Variants in UBE2K observed in about 807,000 individuals in gnomAD.
UBE2K encodes the protein ubiquitin conjugating enzyme E2 K.
In UBE2K, 6 loss-of-function variants were observed where a neutral mutation model predicts 30.0. That is an observed-to-expected ratio of 0.20 (90% CI 0.11 to 0.39). UBE2K has a LOEUF of 0.39. Ranked by LOEUF, UBE2K falls within the 10% of genes least tolerant of loss-of-function variation. The pLI, the probability that UBE2K is intolerant of heterozygous loss-of-function variation, is 1.00. For synonymous variants in UBE2K, 86 were observed against 83.7 expected, an observed-to-expected ratio of 1.03 and a Z score of -0.15; for missense variants, 61 against 241.6, an observed-to-expected ratio of 0.25 and a Z score of 4.96.
chr4:39,698,159 A>T lies in UBE2K; in HGVS notation c.-169A>T. The T allele has an allele frequency of 1.5e-6, 1 of 682,444 alleles. No individual in the cohort carries two copies. 42.3% of individuals were successfully genotyped at this position (682,444 alleles called of 1,614,324 possible). On this transcript the variant is annotated 5_prime_UTR_variant, in exon 1 of 7. Transcript: ENST00000261427. ...GCGCCATTTTGGTGGCCGGGCGCGG[A>T]GGTGATTCCACACTGAGGCGAGCGC...
chr4:39,743,812 A>G (rs1299613488), intron 2 of UBE2K, among the ~76,000 whole-genome samples: 1 of 152,144 alleles, frequency 6.6e-6, no homozygotes, highest in Non-Finnish European at 1.5e-5. Context: ...AGTTGAATCC[A>G]GCCTCTCATC....
At chr4:39,730,256 C>T (rs1219210533) in intron 1 of UBE2K, among the ~76,000 whole-genome samples, 2 of 152,114 alleles carry the variant, frequency 1.3e-5, no homozygotes, top group African/African-American at 2.4e-5. Flanking sequence ...ACAGTCATAG[C>T]TTACTGCACC....
intron 4 of UBE2K, 84 bp downstream of exon 4, chr4:39,755,823 CAT>C: frequency 3.0e-6 from 3 of 1,001,578 alleles, no homozygotes; most frequent in Non-Finnish European, 4.5e-6. Context: ...TGCCTCAAAA[CAT>C]ATATTATACT....
intron 4 of UBE2K, among the ~76,000 whole-genome samples, chr4:39,764,702 A>G (rs1474286642): frequency 1.3e-5 from 2 of 152,146 alleles, no homozygotes; most frequent in African/African-American, 4.8e-5. Flanking sequence ...TGCTAGGATT[A>G]TAGGCATGAG....
intron 1 of UBE2K, among the ~76,000 whole-genome samples, chr4:39,713,309 G>GTTTTTT (rs1578423265): frequency 1.3e-4 from 1 of 7,806 alleles, no homozygotes; most frequent in African/African-American, 1.0e-3. Flanking sequence ...TTTTGAGACA[G>GTTTTTT]TTCTTGCTCT....
chr4:39,710,444 T>G (rs1027904135), intron 1 of UBE2K, among the ~76,000 whole-genome samples: 17 of 151,880 alleles, frequency 1.1e-4, no homozygotes, highest in African/African-American at 4.1e-4. Flanking sequence ...TTTTTAAAAT[T>G]TTTTGTGGAG....
At chr4:39,770,520 C>G (rs1222056737) in intron 4 of UBE2K, 2 of 1,605,276 alleles carry the variant, frequency 1.2e-6, no homozygotes, top group African/African-American at 1.3e-5. Context: ...CTGGCTGCCC[C>G]CCGCCCCCCG....
Position 39,778,533 on chromosome 4 carries a change from A to G in UBE2K, c.*99A>G. The G allele has an allele frequency of 1.4e-6, 1 of 733,984 alleles. No individual in the cohort carries two copies. The highest frequency in any genetic ancestry group is 2.2e-6 in the Non-Finnish European group (1 of 449,150). 45.5% of individuals were successfully genotyped at this position (733,984 alleles called of 1,614,324 possible). Reference sequence around the variant, plus strand: ...CTGCATAGATTTCTTTTAAACTGGCATTCTTGCCTAATGATGTTATCTAGG... The same window carrying G: ...CTGCATAGATTTCTTTTAAACTGGCGTTCTTGCCTAATGATGTTATCTAGG... On this transcript the variant is annotated 3_prime_UTR_variant, in exon 7 of 7. Transcript: ENST00000261427.
Position 39,780,263 on chromosome 4 carries a change from G to C in UBE2K, c.*1829G>C, listed in dbSNP as rs1454738886. The C allele has an allele frequency of 6.6e-6, 1 of 152,138 alleles. No individual in the cohort carries two copies. Among genetic ancestry groups the C allele is most frequent in the Non-Finnish European group, 1.5e-5 (1 of 67,996 alleles). 9.4% of individuals were successfully genotyped at this position (152,138 alleles called of 1,614,324 possible). A position where few individuals can be genotyped will look rare whatever the true frequency, so the allele number is the denominator to read the frequency against. On this transcript the variant is annotated 3_prime_UTR_variant, in exon 7 of 7. Transcript: ENST00000261427. ...TTATATTTTGAAGTAAGGTGGGATTGTGTGAAAATGTGGATGGTTTTTCTC... is the reference window on the plus strand; with the variant it reads ...TTATATTTTGAAGTAAGGTGGGATTCTGTGAAAATGTGGATGGTTTTTCTC...
chr4:39,718,007 G>C (rs1021154333), intron 1 of UBE2K, among the ~76,000 whole-genome samples: 1 of 152,072 alleles, frequency 6.6e-6, no homozygotes, highest in Non-Finnish European at 1.5e-5. Context: ...CAAAGAGTGA[G>C]CAGTAGCAAG....
At chr4:39,699,470 G>A (rs919097064) in intron 1 of UBE2K, among the ~76,000 whole-genome samples, 1 of 152,092 alleles carries the variant, frequency 6.6e-6, no homozygotes, top group Non-Finnish European at 1.5e-5. Flanking sequence ...TTTGTACTAC[G>A]TTTATTTATG....
intron 5 of UBE2K, among the ~76,000 whole-genome samples, 154 bp from the exon 6 acceptor site, chr4:39,777,528 C>T (rs924647964): frequency 1.3e-5 from 2 of 152,106 alleles, no homozygotes; most frequent in Non-Finnish European, 2.9e-5. Context: ...GGTCTTTTCT[C>T]GAGTGACATA....
chr4:39,698,203 G>A lies in UBE2K; in HGVS notation c.-125G>A. 1 of 913,174 alleles carries A rather than the reference G, an allele frequency of 1.1e-6. No homozygotes were observed. Among genetic ancestry groups the A allele is most frequent in the Non-Finnish European group, 1.8e-6 (1 of 566,856 alleles). 56.6% of individuals were successfully genotyped at this position (913,174 alleles called of 1,614,324 possible). A position where few individuals can be genotyped will look rare whatever the true frequency, so the allele number is the denominator to read the frequency against. On this transcript the variant is annotated 5_prime_UTR_variant, in exon 1 of 7. Transcript: ENST00000261427. Reference sequence around the variant, plus strand: ...CGAGCGCGGCGGCCGGGGTGGTAGTGGCAGTGTTCGTGTGCTCAGGTCTGA... The same window carrying A: ...CGAGCGCGGCGGCCGGGGTGGTAGTAGCAGTGTTCGTGTGCTCAGGTCTGA...
At chr4:39,714,528 A>G (rs1478212891) in intron 1 of UBE2K, 2 of 26,582 alleles carry the variant, frequency 7.5e-5, no homozygotes, top group South Asian at 1.5e-3. Flanking sequence ...ATATATATAT[A>G]TATATATATA....
At chr4:39,737,049 A>G (rs1720417986) in intron 1 of UBE2K, among the ~76,000 whole-genome samples, 1 of 152,228 alleles carries the variant, frequency 6.6e-6, no homozygotes, top group Non-Finnish European at 1.5e-5. Context: ...GGTATAGTGC[A>G]GAATATAATA....
intron 1 of UBE2K, among the ~76,000 whole-genome samples, chr4:39,710,633 A>G (rs763889101): frequency 1.3e-5 from 2 of 152,056 alleles, no homozygotes; most frequent in Non-Finnish European, 2.9e-5. Flanking sequence ...CACAGATCCA[A>G]CAGTTGCAGC....
intron 4 of UBE2K, among the ~76,000 whole-genome samples, chr4:39,762,496 G>A (rs1712020249): frequency 6.6e-6 from 1 of 152,200 alleles, no homozygotes; most frequent in African/African-American, 2.4e-5. Flanking sequence ...TATAGGAAGT[G>A]TGGTGCCAAC....
chr4:39,750,700 A>G (rs1578475654), intron 3 of UBE2K, among the ~76,000 whole-genome samples: 1 of 150,754 alleles, frequency 6.6e-6, no homozygotes, highest in South Asian at 2.1e-4. Flanking sequence ...GGCCACGGAG[A>G]TAATCTTGAA....
At chr4:39,712,014 C>T (rs1447467496) in intron 1 of UBE2K, among the ~76,000 whole-genome samples, 1 of 151,002 alleles carries the variant, frequency 6.6e-6, no homozygotes, top group Non-Finnish European at 1.5e-5. Flanking sequence ...GCATTCCATC[C>T]TGGGCAAGAG....
Sources: gnomAD v4.1 joint callset for allele counts (sites outside exome capture counted in the v4.1 genomes callset) on GRCh38, gnomAD v4.1.1 for gene constraint, MANE v1.5 for transcripts, NCBI Gene and HGNC (gene_info 2026-07-23, HGNC 2026-07-21) for gene names.